ZMAT3: variants seen among roughly 807,000 people sequenced by gnomAD.
ZMAT3 encodes the protein zinc finger matrin-type 3.
ZMAT3 carries 17 observed loss-of-function variants against 32.3 expected under a neutral mutation model. The ratio of observed to expected loss-of-function variants is 0.53; its 90% CI spans 0.36 to 0.79. The LOEUF is 0.79. ZMAT3 is among the 30% of genes least tolerant of loss of function. ZMAT3 has a pLI of 0.00. For synonymous variants in ZMAT3, 120 were observed against 133.1 expected, an observed-to-expected ratio of 0.90 and a Z score of 0.68; for missense variants, 329 against 359.7, an observed-to-expected ratio of 0.91 and a Z score of 0.69.
At chr3:179,034,353 T>G (rs1448608499) in intron 2 of ZMAT3, among the ~76,000 whole-genome samples, 2 of 152,242 alleles carry the variant, frequency 1.3e-5, no homozygotes, top group Admixed American at 1.3e-4. Context: ...TGTGCCTTCA[T>G]CTTACTGGAA....
chr3:179,036,841 G>C (rs1719619327), intron 2 of ZMAT3, among the ~76,000 whole-genome samples: 1 of 152,158 alleles, frequency 6.6e-6, no homozygotes, highest in African/African-American at 2.4e-5. Context: ...TGAAAACTGA[G>C]CTGCCAGTTG....
intron 2 of ZMAT3, among the ~76,000 whole-genome samples, chr3:179,034,715 C>T (rs1001243938): frequency 2.2e-4 from 33 of 152,266 alleles, no homozygotes; most frequent in Admixed American, 1.9e-3. Flanking sequence ...TTCTCATCAC[C>T]ACCATCACCA....
At chr3:179,051,759 A>G (rs1014113849) in intron 2 of ZMAT3, among the ~76,000 whole-genome samples, 4 of 152,254 alleles carry the variant, frequency 2.6e-5, no homozygotes, top group African/African-American at 9.6e-5. Context: ...GAGGTCTTAC[A>G]TTACCTGACT....
chr3:179,050,494 A>T (rs914461423), intron 2 of ZMAT3, among the ~76,000 whole-genome samples: 1 of 152,232 alleles, frequency 6.6e-6, no homozygotes, highest in Admixed American at 6.5e-5. Context: ...AACAAAAAAA[A>T]AAGTCCAAGA....
chr3:179,064,639 C>CAT (rs1484367643), intron 2 of ZMAT3, among the ~76,000 whole-genome samples: 1 of 152,122 alleles, frequency 6.6e-6, no homozygotes, highest in Non-Finnish European at 1.5e-5. Flanking sequence ...TTATGCTGTC[C>CAT]ATGCTGGTCT....
intron 2 of ZMAT3, among the ~76,000 whole-genome samples, chr3:179,031,691 G>A (rs2108541959): frequency 6.6e-6 from 1 of 152,132 alleles, no homozygotes; most frequent in East Asian, 1.9e-4. Context: ...TGGATGACCT[G>A]AGGTCAGGAG....
At chr3:179,037,246 T>C (rs746798898) in intron 2 of ZMAT3, among the ~76,000 whole-genome samples, 61 of 152,140 alleles carry the variant, frequency 4.0e-4, no homozygotes, top group Non-Finnish European at 4.9e-4. Context: ...CATGCCCCTG[T>C]TCGCCAAGCT....
At position 179,049,073 on chromosome 3, in the gene ZMAT3, A is replaced by G. The variant is rs189292712; in HGVS notation, c.271-18074T>C. 3.6e-3 allele frequency among the ~76,000 whole-genome samples: 549 copies of G among 152,340 alleles called. 3 individuals carry two copies. Among genetic ancestry groups the G allele is most frequent in the African/African-American group, 0.012 (519 of 41,580 alleles). Reference sequence around the variant, plus strand: ...CAAAGCAACAGCAGTTAAAAAAGACAAAGAGGGACATAATACAATAATAAA... The same window carrying G: ...CAAAGCAACAGCAGTTAAAAAAGACGAAGAGGGACATAATACAATAATAAA... On this transcript the variant is annotated intron_variant, in intron 2 of 5. Transcript: ENST00000311417.
At position 179,023,728 on chromosome 3, in the gene ZMAT3, T is replaced by A. The variant is rs1263324596; in HGVS notation, c.*1289A>T. 5 of 32,748 alleles carry A rather than the reference T, an allele frequency of 1.5e-4. 1 individual carries two copies. The allele number at this position is 32,748 out of a possible 1,614,324, so 2.0% of individuals were successfully genotyped here. On this transcript the variant is annotated 3_prime_UTR_variant, in exon 6 of 6. Coordinates refer to ENST00000311417, the MANE Select transcript of ZMAT3 (RefSeq NM_022470.4). ...TATATATATTTTTTTTTTTTTTTTT[T>A]TTTTTTTTTTGAGACGGAGTCTCGC...
intron 2 of ZMAT3, among the ~76,000 whole-genome samples, chr3:179,064,942 T>C (rs913455021): frequency 4.6e-5 from 7 of 152,210 alleles, no homozygotes; most frequent in African/African-American, 1.7e-4. Flanking sequence ...GAAATCCAGA[T>C]TTCACTTCTA....
At chr3:179,027,843 T>C in intron 3 of ZMAT3, 31 bp from the exon 4 acceptor site, 1 of 1,572,128 alleles carries the variant, frequency 6.4e-7, no homozygotes, top group South Asian at 1.2e-5. Context: ...AGAAACAAAG[T>C]TAAAAAAAAT....
chr3:179,032,612 C>T (rs899035187), intron 2 of ZMAT3, among the ~76,000 whole-genome samples: 1 of 151,250 alleles, frequency 6.6e-6, no homozygotes, highest in Non-Finnish European at 1.5e-5. Flanking sequence ...CTCTGCCCCG[C>T]CGCCCCGTCT....
intron 2 of ZMAT3, among the ~76,000 whole-genome samples, chr3:179,033,236 T>C (rs1329349720): frequency 6.6e-6 from 1 of 152,200 alleles, no homozygotes; most frequent in Non-Finnish European, 1.5e-5. Context: ...AAGGGTTAAA[T>C]GGATTAAGGG....
intron 2 of ZMAT3, among the ~76,000 whole-genome samples, chr3:179,034,704 T>C (rs564462854): frequency 5.3e-5 from 8 of 152,276 alleles, no homozygotes; most frequent in Admixed American, 5.2e-4. Flanking sequence ...TCCATAGAAC[T>C]TTCTCATCAC....
intron 2 of ZMAT3, among the ~76,000 whole-genome samples, chr3:179,060,410 G>C (rs1721095610): frequency 6.6e-6 from 1 of 151,660 alleles, no homozygotes; most frequent in African/African-American, 2.4e-5. Flanking sequence ...GGGAGACCAA[G>C]GCAGGTGGAC....
At chr3:179,058,695 G>C (rs1319679073) in intron 2 of ZMAT3, among the ~76,000 whole-genome samples, 1 of 148,890 alleles carries the variant, frequency 6.7e-6, no homozygotes, top group Non-Finnish European at 1.5e-5. Context: ...GGCGGAGCTT[G>C]CAGTGAGCCG....
intron 3 of ZMAT3, 114 bp from the exon 4 acceptor site, chr3:179,027,926 A>T (rs1718969928): frequency 3.0e-6 from 3 of 1,000,612 alleles, no homozygotes; most frequent in Non-Finnish European, 4.3e-6. Context: ...GCATGACCAC[A>T]AGCATTAAGC....
At position 179,020,392 on chromosome 3, in the gene ZMAT3, A is replaced by T. The variant is rs1412523702; in HGVS notation, c.*4625T>A. On this transcript the variant is annotated 3_prime_UTR_variant, in exon 6 of 6. Transcript: ENST00000311417. ...CACAGCTATTTGTCCATTCAGCCAG[A>T]GTGACAGTAACTGCTCACAATGGTA... 2.0e-5 allele frequency: 3 copies of T among 152,238 alleles called. No individual in the cohort carries two copies. The highest frequency in any genetic ancestry group is 6.5e-5 in the Admixed American group (1 of 15,278). The allele number at this position is 152,238 out of a possible 1,614,324, so 9.4% of individuals were successfully genotyped here.
chr3:179,062,631 C>T (rs959544882), intron 2 of ZMAT3, among the ~76,000 whole-genome samples: 2 of 152,120 alleles, frequency 1.3e-5, no homozygotes, highest in Admixed American at 6.5e-5. Context: ...GAGAGCAGAA[C>T]AAGAAAACCA....
Sources: allele counts gnomAD v4.1 joint callset (sites outside exome capture counted in the v4.1 genomes callset), GRCh38; gene constraint gnomAD v4.1.1; transcripts MANE v1.5; gene names NCBI Gene and HGNC (gene_info 2026-07-23, HGNC 2026-07-21).